Variants in LRRC7 observed in about 807,000 individuals in gnomAD.
LRRC7 encodes leucine rich repeat containing 7, also known as leucine-rich repeat-containing protein 7.
Under a neutral mutation model 175.7 loss-of-function variants are expected in LRRC7, and 23 were observed. That is an observed-to-expected ratio of 0.13 (90% CI 0.09 to 0.19). LRRC7 has a LOEUF of 0.19. Among genes scored for constraint, LRRC7 ranks in the 10% least tolerant of loss-of-function variants. LRRC7 has a pLI of 1.00. For synonymous variants in LRRC7, 685 were observed against 680.9 expected, an observed-to-expected ratio of 1.01 and a Z score of -0.09; for missense variants, 1,354 against 1,904.7, an observed-to-expected ratio of 0.71 and a Z score of 5.38.
intron 1 of LRRC7, among the ~76,000 whole-genome samples, chr1:69,621,086 C>T (rs568547941): frequency 6.0e-5 from 9 of 151,224 alleles, no homozygotes; most frequent in African/African-American, 2.2e-4. Context: ...CTCTTGTTGC[C>T]CAGGCTGGAG....
chr1:69,960,552 T>C lies in LRRC7; in HGVS notation c.712-19827T>C, dbSNP rs114063705. Among the ~76,000 whole-genome samples, 990 of 152,192 alleles carry C rather than the reference T, an allele frequency of 6.5e-3. 9 individuals are homozygous for C. The highest frequency in any genetic ancestry group is 0.022 in the African/African-American group (916 of 41,524). ...ATTTGTTTGCTCTTGGTTATCTAGT[T>C]CTTTTAGTTCTGATGTTGGGTTGTT... On this transcript the variant is annotated intron_variant, in intron 8 of 26. Transcript: ENST00000651989.
At chr1:70,034,481 G>A (rs1450994818) in intron 18 of LRRC7, among the ~76,000 whole-genome samples, 1 of 152,162 alleles carries the variant, frequency 6.6e-6, no homozygotes, top group Non-Finnish European at 1.5e-5. Context: ...GGCATACACA[G>A]TATCACATAG....
chr1:70,044,235 AGAG>A (rs1660155322), intron 22 of LRRC7, 141 bp downstream of exon 22: 2 of 727,310 alleles, frequency 2.7e-6, no homozygotes, highest in Non-Finnish European at 4.3e-6. Context: ...CAAGTAATGT[AGAG>A]CCTGAACTCT....
chr1:69,952,309 A>T (rs1384810910), intron 8 of LRRC7, among the ~76,000 whole-genome samples: 1 of 152,072 alleles, frequency 6.6e-6, no homozygotes, highest in East Asian at 1.9e-4. Context: ...TGTTTTTAGT[A>T]AATATTTATT....
At chr1:69,937,407 A>G (rs991026240) in intron 8 of LRRC7, among the ~76,000 whole-genome samples, 2 of 152,060 alleles carry the variant, frequency 1.3e-5, no homozygotes, top group African/African-American at 4.8e-5. Flanking sequence ...TTTTGTCTGC[A>G]TTTATTGATA....
In LRRC7 at chr1:70,139,053, A is replaced by C. The variant is rs1359574316; in HGVS notation, c.*17166A>C. On this transcript the variant is annotated 3_prime_UTR_variant, in exon 27 of 27. Coordinates refer to ENST00000651989, the MANE Select transcript of LRRC7 (RefSeq NM_001370785.2). ...ATGTAGCTTCAATTAGTCCTGCATC[A>C]GGTTATTCTAATGCTTCCTACTGCA... 1 of 152,178 alleles carries C rather than the reference A, an allele frequency of 6.6e-6. No homozygotes were observed. Among genetic ancestry groups the C allele is most frequent in the African/African-American group, 2.4e-5 (1 of 41,444 alleles). 9.4% of individuals were successfully genotyped at this position (152,178 alleles called of 1,614,324 possible). A position where few individuals can be genotyped will look rare whatever the true frequency, so the allele number is the denominator to read the frequency against.
chr1:70,063,864 T>C (rs995096821), intron 23 of LRRC7, among the ~76,000 whole-genome samples: 1 of 152,002 alleles, frequency 6.6e-6, no homozygotes, highest in Non-Finnish European at 1.5e-5. Context: ...CATAGCTATG[T>C]TTTGTTGGTT....
In LRRC7 at chr1:70,127,155, G is replaced by A. The variant is rs1369999958; in HGVS notation, c.*5268G>A. On this transcript the variant is annotated 3_prime_UTR_variant, in exon 27 of 27. Coordinates refer to ENST00000651989, the MANE Select transcript of LRRC7 (RefSeq NM_001370785.2). Reference sequence around the variant, plus strand: ...CAACAAACAAAGCCTGTGTGCAATGGTGGGGGTGGCAATGCCTTTATAAAA... The same window carrying A: ...CAACAAACAAAGCCTGTGTGCAATGATGGGGGTGGCAATGCCTTTATAAAA... Among the ~76,000 whole-genome samples the A allele has an allele frequency of 6.6e-6, 1 of 152,200 alleles. No homozygotes were observed.
intron 26 of LRRC7, among the ~76,000 whole-genome samples, chr1:70,117,240 T>G (rs575188528): frequency 6.6e-6 from 1 of 152,360 alleles, no homozygotes; most frequent in South Asian, 2.1e-4. Flanking sequence ...TTCTCTGAGC[T>G]ATTTTTAAGC....
At chr1:69,928,118 G>A (rs1022831522) in intron 7 of LRRC7, among the ~76,000 whole-genome samples, 15 of 152,190 alleles carry the variant, frequency 9.9e-5, no homozygotes, top group Non-Finnish European at 1.8e-4. Flanking sequence ...GCACAACAGC[G>A]GATTTTCGTG....
intron 7 of LRRC7, among the ~76,000 whole-genome samples, chr1:69,841,097 T>C (rs1570265708): frequency 1.3e-5 from 2 of 152,118 alleles, no homozygotes; most frequent in African/African-American, 2.4e-5. Context: ...TCTCAGCGTG[T>C]CTCATGAGGC....
chr1:70,044,225 C>G, intron 22 of LRRC7, 131 bp downstream of exon 22: 5 of 814,122 alleles, frequency 6.1e-6, no homozygotes, highest in African/African-American at 3.4e-5. Context: ...AGCACAAGGG[C>G]AAGTAATGTA....
chr1:69,653,447 G>A (rs1656159319), intron 1 of LRRC7, among the ~76,000 whole-genome samples: 1 of 151,888 alleles, frequency 6.6e-6, no homozygotes, highest in African/African-American at 2.4e-5. Flanking sequence ...CTGTCAAGAT[G>A]GTCATAATCA....
intron 1 of LRRC7, among the ~76,000 whole-genome samples, chr1:69,670,211 C>T (rs1335522444): frequency 6.6e-6 from 1 of 152,034 alleles, no homozygotes; most frequent in East Asian, 1.9e-4. Context: ...CTTGTTTGTG[C>T]CCATCCTTCC....
At chr1:69,772,366 A>C (rs571274178) in intron 3 of LRRC7, among the ~76,000 whole-genome samples, 1 of 152,258 alleles carries the variant, frequency 6.6e-6, no homozygotes, top group Admixed American at 6.5e-5. Context: ...GAGGGTGTGT[A>C]AAGAATGAAG....
intron 4 of LRRC7, among the ~76,000 whole-genome samples, chr1:69,815,436 T>C (rs1034225650): frequency 6.6e-6 from 1 of 152,210 alleles, no homozygotes; most frequent in African/African-American, 2.4e-5. Flanking sequence ...TGTGTCTTTT[T>C]TTTGGAATAC....
intron 7 of LRRC7, among the ~76,000 whole-genome samples, chr1:69,846,360 A>C (rs1682367379): frequency 6.6e-6 from 1 of 152,114 alleles, no homozygotes; most frequent in African/African-American, 2.4e-5. Flanking sequence ...GGTCACAAAA[A>C]CCAAGTAACA....
chr1:70,027,374 G>C (rs1043651067), intron 17 of LRRC7, among the ~76,000 whole-genome samples: 1 of 152,062 alleles, frequency 6.6e-6, no homozygotes, highest in Non-Finnish European at 1.5e-5. Flanking sequence ...GCTAAGAATA[G>C]TCATTAACAT....
At chr1:69,951,912 C>T (rs1166800392) in intron 8 of LRRC7, among the ~76,000 whole-genome samples, 1 of 151,530 alleles carries the variant, frequency 6.6e-6, no homozygotes, top group East Asian at 1.9e-4. Context: ...CAAGTGTACC[C>T]CCTAACCTAA....
Sources: gnomAD v4.1 joint callset for allele counts (sites outside exome capture counted in the v4.1 genomes callset) on GRCh38, gnomAD v4.1.1 for gene constraint, MANE v1.5 for transcripts, NCBI Gene and HGNC (gene_info 2026-07-23, HGNC 2026-07-21) for gene names.